Variants in CD9 observed in about 807,000 individuals in gnomAD.
CD9 encodes the protein CD9 molecule.
CD9 carries 10 observed loss-of-function variants against 31.4 expected under a neutral mutation model. The observed-to-expected ratio is 0.32, with a 90% CI of 0.20 to 0.54. The LOEUF is 0.54. Ranked by LOEUF, CD9 falls within the 20% of genes least tolerant of loss-of-function variation. The probability of loss-of-function intolerance (pLI) is 0.94; values close to 1 mark genes in which losing one functional copy is unlikely to be tolerated. For missense variants in CD9, 259 were observed against 300.1 expected (o/e 0.86, Z 1.01); for synonymous variants, 113 against 114.1 (o/e 0.99, Z 0.06).
chr12:6,200,327 A>T, upstream of CD9: 1 of 384,810 alleles, frequency 2.6e-6, no homozygotes, highest in Non-Finnish European at 4.7e-6. Context: ...TTTTCCCGGC[A>T]CATGCGCACC....
chr12:6,225,593 C>T (rs1008503302), intron 2 of CD9, 59 bp downstream of exon 2: 4 of 1,090,362 alleles, frequency 3.7e-6, no homozygotes, highest in Non-Finnish European at 4.2e-6. Context: ...GTTCCTGCAA[C>T]TTTGGAGGCC....
chr12:6,208,716 G>C (rs894522273), intron 1 of CD9, among the ~76,000 whole-genome samples: 1 of 150,350 alleles, frequency 6.7e-6, no homozygotes, highest in African/African-American at 2.4e-5. Flanking sequence ...GGATTACAGG[G>C]GTGTGCCACC....
chr12:6,228,155 G>A (rs967824782), intron 2 of CD9, among the ~76,000 whole-genome samples: 1 of 152,216 alleles, frequency 6.6e-6, no homozygotes, highest in African/African-American at 2.4e-5. Context: ...CACCCCATTC[G>A]GGGAAGAGAG....
intron 1 of CD9, among the ~76,000 whole-genome samples, chr12:6,214,753 C>G (rs1468670058): frequency 6.6e-6 from 1 of 152,140 alleles, no homozygotes; most frequent in Non-Finnish European, 1.5e-5. Context: ...GCACAGCCGG[C>G]TGCAGAATTC....
In CD9 at chr12:6,200,630, G is replaced by A. The variant is rs11574684; in HGVS notation, c.66+65G>A. On this transcript the variant is annotated intron_variant, in intron 1 of 7. Coordinates refer to ENST00000009180, the MANE Select transcript of CD9 (RefSeq NM_001769.4). ...ACCTGTTCGCGGGCCCCGGACACTG[G>A]CCGCGGCCGCGAGTGCCGGCAGCTG... The A allele has an allele frequency of 7.9e-4, 893 of 1,133,180 alleles. 2 individuals carry two copies. In the African/African-American group the frequency reaches 0.012, roughly 16 times the overall value. 70.2% of individuals were successfully genotyped at this position (1,133,180 alleles called of 1,614,324 possible).
At chr12:6,236,794 C>T (rs1946528783) in intron 7 of CD9, 1 of 258,172 alleles carries the variant, frequency 3.9e-6, no homozygotes, top group Non-Finnish European at 7.3e-6. Flanking sequence ...GGAACATGGT[C>T]CTCGCTGGGA....
chr12:6,200,621 C>T (rs1242439200), intron 1 of CD9, 56 bp downstream of exon 1: 4 of 1,231,428 alleles, frequency 3.2e-6, no homozygotes, highest in Admixed American at 3.5e-5. Context: ...TCGCGGGCCC[C>T]GGACACTGGC....
At chr12:6,216,109 T>A (rs1240799322) in intron 1 of CD9, among the ~76,000 whole-genome samples, 2 of 151,880 alleles carry the variant, frequency 1.3e-5, no homozygotes, top group African/African-American at 4.8e-5. Flanking sequence ...TCCTGAGGAG[T>A]GAATCAGCCC....
At chr12:6,201,178 A>G (rs1424175559) in intron 1 of CD9, among the ~76,000 whole-genome samples, 5 of 152,304 alleles carry the variant, frequency 3.3e-5, no homozygotes, top group African/African-American at 1.2e-4. Flanking sequence ...GGAACCTCGC[A>G]GGCCCCCGTT....
intron 1 of CD9, among the ~76,000 whole-genome samples, chr12:6,206,325 C>T (rs969694505): frequency 6.6e-6 from 1 of 151,864 alleles, no homozygotes; most frequent in Non-Finnish European, 1.5e-5. Flanking sequence ...CCAGCTCAGG[C>T]GATCCTCACA....
intron 1 of CD9, among the ~76,000 whole-genome samples, chr12:6,201,184 C>T (rs1946072674): frequency 6.6e-6 from 1 of 152,220 alleles, no homozygotes; most frequent in Non-Finnish European, 1.5e-5. Context: ...TCGCAGGCCC[C>T]CGTTCCCTCA....
chr12:6,231,506 G>C (rs1946446190), intron 2 of CD9, among the ~76,000 whole-genome samples: 1 of 152,204 alleles, frequency 6.6e-6, no homozygotes, highest in African/African-American at 2.4e-5. Flanking sequence ...TGGGACCCAT[G>C]TAGGGCTGGG....
In CD9 at chr12:6,210,210, CTG is replaced by C. The variant is rs1168464751; in HGVS notation, c.66+9646_66+9647del. On this transcript the variant is annotated intron_variant, in intron 1 of 7. Transcript: ENST00000009180. ...AAGGGCAGAGGCTCCGGGTCCCACT[CTG>C]GGGCTGTTTTCACGGGGGATGGAAG... Among the ~76,000 whole-genome samples, 6 of 152,330 alleles carry C rather than the reference CTG, an allele frequency of 3.9e-5. 1 individual carries two copies. Among genetic ancestry groups the C allele is most frequent in the African/African-American group, 1.4e-4 (6 of 41,564 alleles).
chr12:6,200,557 A>G lies in CD9; in HGVS notation c.58A>G (p.Ile20Val), dbSNP rs374063868. The part of the protein sequence containing the change: ...IKYLLFGFNF[I>V]FWLAGIAVLA... ...ATACCTGCTGTTCGGATTTAACTTC[A>G]TCTTCTGGGTGAGTGAGCGCGACTG... Residue 20 changes from isoleucine (I) to valine (V), a missense_variant, in exon 1 of 8, where the codon ATC becomes GTC. Physicochemically the swap from Ile to Val is conservative, Grantham distance 29 (BLOSUM62 3). Coordinates refer to ENST00000009180, the MANE Select transcript of CD9 (RefSeq NM_001769.4). The G allele has an allele frequency of 2.2e-5, 36 of 1,607,804 alleles. No individual in the cohort carries two copies. Among genetic ancestry groups the G allele is most frequent in the Non-Finnish European group, 3.0e-5 (35 of 1,175,530 alleles).
At chr12:6,225,775 T>G (rs1946357403) in intron 2 of CD9, 2 of 541,202 alleles carry the variant, frequency 3.7e-6, no homozygotes, top group Non-Finnish European at 6.6e-6. Context: ...TTGATGGTTC[T>G]CTGATGTGAT....
At position 6,233,421 on chromosome 12, in the gene CD9, T is replaced by A. The variant is rs1298706557; in HGVS notation, c.283T>A (p.Phe95Ile). The change falls in exon 4 of 8, where the codon TTC (phenylalanine) becomes ATC (isoleucine). Residue 95 changes from phenylalanine (F) to isoleucine (I), a missense_variant. Transcript: ENST00000009180. ...CCTCGTTGCCTTCCAGTTCTTCGGC[T>A]TCCTCTTGGTGATATTCGCCATTGA... Reference protein sequence around the residue: ...SQCMLGLFFGFLLVIFAIEIA... With the variant: ...SQCMLGLFFGILLVIFAIEIA... 1 of 1,614,000 alleles carries A rather than the reference T, an allele frequency of 6.2e-7. No homozygotes were observed. Among genetic ancestry groups the A allele is most frequent in the Admixed American group, 1.7e-5 (1 of 60,028 alleles).
At chr12:6,202,205 C>T (rs1193961903) in intron 1 of CD9, among the ~76,000 whole-genome samples, 1 of 152,190 alleles carries the variant, frequency 6.6e-6, no homozygotes, top group Non-Finnish European at 1.5e-5. Flanking sequence ...GTGCATCAGT[C>T]ACCATAACAC....
At chr12:6,213,844 C>T (rs1460808903) in intron 1 of CD9, among the ~76,000 whole-genome samples, 2 of 152,202 alleles carry the variant, frequency 1.3e-5, no homozygotes, top group African/African-American at 4.8e-5. Flanking sequence ...TTCCCTCCCT[C>T]CCTCTTGGCC....
At position 6,211,886 on chromosome 12, in the gene CD9, A is replaced by G. The variant is rs999941812; in HGVS notation, c.66+11321A>G. Among the ~76,000 whole-genome samples, 3 of 152,164 alleles carry G rather than the reference A, an allele frequency of 2.0e-5. No individual in the cohort carries two copies. The South Asian group carries it at 6.2e-4, about 32-fold the overall frequency. ...TTGGGCTGGGGCCTCCCTCCCAATCAGCCCCAACATCCTAACGCCAGTACA... is the reference window on the plus strand; with the variant it reads ...TTGGGCTGGGGCCTCCCTCCCAATCGGCCCCAACATCCTAACGCCAGTACA... On this transcript the variant is annotated intron_variant, in intron 1 of 7. Coordinates refer to ENST00000009180, the MANE Select transcript of CD9 (RefSeq NM_001769.4).
Sources: gnomAD v4.1 joint callset for allele counts (sites outside exome capture counted in the v4.1 genomes callset) on GRCh38, gnomAD v4.1.1 for gene constraint, MANE v1.5 for transcripts, NCBI Gene and HGNC (gene_info 2026-07-23, HGNC 2026-07-21) for gene names.